The following RUVBL1 variants were observed in gnomAD, a reference collection of about 807,000 sequenced individuals.
The protein encoded by RUVBL1 is ruvB-like 1.
A neutral mutation model predicts 52.4 loss-of-function variants in RUVBL1; 4 were observed. The observed-to-expected ratio is 0.08, with a 90% CI of 0.04 to 0.17. RUVBL1 has a LOEUF of 0.17. Among genes scored for constraint, RUVBL1 ranks in the 10% least tolerant of loss-of-function variants. The pLI, the probability that RUVBL1 is intolerant of heterozygous loss-of-function variation, is 1.00. For synonymous variants in RUVBL1, 217 were observed against 214.4 expected (o/e 1.01, Z -0.10); for missense variants, 298 against 572.8 (o/e 0.52, Z 4.90).
At chr3:128,070,407 T>G (rs1397059666) in intron 9 of RUVBL1, 2 of 152,264 alleles carry the variant, frequency 1.3e-5, no homozygotes, top group African/African-American at 4.8e-5. Context: ...AAGCTGAGCC[T>G]GGCCAAGCTA....
At chr3:128,153,164 C>G (rs1944279003) in intron 1 of RUVBL1, 1 of 1,161,204 alleles carries the variant, frequency 8.6e-7, no homozygotes, top group Non-Finnish European at 1.1e-6. Context: ...TTACAATCCT[C>G]TTGATAGCTA....
chr3:128,117,140 A>G (rs943887026), intron 2 of RUVBL1, among the ~76,000 whole-genome samples: 4 of 152,204 alleles, frequency 2.6e-5, no homozygotes, highest in Non-Finnish European at 5.9e-5. Context: ...AATGAAAAGG[A>G]AAAAAATATT....
rs139627501 is a variant in RUVBL1, at chr3:128,104,450, C to T, written c.513+323G>A. 4.6e-3 allele frequency among the ~76,000 whole-genome samples: 694 copies of T among 152,312 alleles called. 5 individuals carry two copies. Among genetic ancestry groups the T allele is most frequent in the African/African-American group, 0.015 (612 of 41,558 alleles). ...AATTAATGCCCAGGTTCAGACCCAGCCCAGGGTATTTGATGCATGGTCATA... is the reference window on the plus strand; with the variant it reads ...AATTAATGCCCAGGTTCAGACCCAGTCCAGGGTATTTGATGCATGGTCATA... On this transcript the variant is annotated intron_variant, in intron 4 of 10. Transcript: ENST00000322623.
upstream of RUVBL1, among the ~76,000 whole-genome samples, chr3:128,127,409 C>T (rs1053909553): frequency 2.6e-5 from 4 of 152,168 alleles, no homozygotes; most frequent in African/African-American, 9.7e-5. Flanking sequence ...CCCTCTCATT[C>T]CCTTACTCCC....
chr3:128,097,759 G>C lies in RUVBL1; in HGVS notation c.818-261C>G, dbSNP rs540540747. The stretch of plus-strand genomic sequence containing the variant: ...GGTTAAATGTAAAAAGGTTGCACAG[G>C]TGTTCTGCATGGGAATCCCTTCACA... On this transcript the variant is annotated intron_variant, in intron 7 of 10. Transcript: ENST00000322623. Among the ~76,000 whole-genome samples the C allele has an allele frequency of 3.3e-5, 5 of 152,240 alleles. No individual in the cohort carries two copies. The South Asian group carries it at 8.3e-4, about 25-fold the overall frequency.
chr3:128,126,626 G>T (rs1479100120), upstream of RUVBL1, among the ~76,000 whole-genome samples: 1 of 152,214 alleles, frequency 6.6e-6, no homozygotes, highest in Non-Finnish European at 1.5e-5. Context: ...GAAGGGACAG[G>T]GTTTGTCCAA....
At chr3:128,117,534 A>T (rs1943554204) in intron 2 of RUVBL1, among the ~76,000 whole-genome samples, 1 of 152,106 alleles carries the variant, frequency 6.6e-6, no homozygotes, top group Non-Finnish European at 1.5e-5. Context: ...TCTTAACCTC[A>T]TCTCAGTGGA....
At position 128,105,825 on chromosome 3, in the gene RUVBL1, G is replaced by C. The variant is rs568930930; in HGVS notation, c.362-901C>G. Among the ~76,000 whole-genome samples the C allele has an allele frequency of 1.2e-4, 17 of 144,232 alleles. No individual in the cohort carries two copies. In the South Asian group the frequency reaches 3.6e-3, roughly 30 times the overall value. The allele number at this position is 144,232 out of a possible 152,430, so 94.6% of individuals were successfully genotyped here. A position where few individuals can be genotyped will look rare whatever the true frequency, so the allele number is the denominator to read the frequency against. On this transcript the variant is annotated intron_variant, in intron 3 of 10. Coordinates refer to ENST00000322623, the MANE Select transcript of RUVBL1 (RefSeq NM_003707.3). ...AGTTGTCATGCATTATTTGCAATGTGTTGCTCTACAATTTTCTTTCTTTCT... is the reference window on the plus strand; with the variant it reads ...AGTTGTCATGCATTATTTGCAATGTCTTGCTCTACAATTTTCTTTCTTTCT...
chr3:128,070,393 T>TGCCAAGCTGAGCCTG (rs1942126476), intron 9 of RUVBL1: 1 of 152,386 alleles, frequency 6.6e-6, no homozygotes, highest in South Asian at 2.1e-4. Context: ...TCATCAGCTC[T>TGCCAAGCTGAGCCTG]GCCAAGCTGA....
intron 6 of RUVBL1, among the ~76,000 whole-genome samples, chr3:128,099,964 G>A (rs539273256): frequency 5.9e-5 from 9 of 152,312 alleles, no homozygotes; most frequent in African/African-American, 1.4e-4. Context: ...AAGGGGACCT[G>A]TTGGTCCAAG....
chr3:128,077,727 A>G (rs1178183593), downstream of RUVBL1, among the ~76,000 whole-genome samples: 2 of 152,208 alleles, frequency 1.3e-5, no homozygotes, highest in Admixed American at 1.3e-4. Flanking sequence ...TCTGGGCTAC[A>G]GGGCTTTTTC....
chr3:128,148,053 T>C (rs1246622129), intron 1 of RUVBL1, among the ~76,000 whole-genome samples: 2 of 152,146 alleles, frequency 1.3e-5, no homozygotes, highest in South Asian at 2.1e-4. Context: ...GCAAAGCCTG[T>C]AGAGACAGAG....
At chr3:128,111,653 A>T (rs1943399209) in intron 3 of RUVBL1, among the ~76,000 whole-genome samples, 1 of 152,156 alleles carries the variant, frequency 6.6e-6, no homozygotes, top group Non-Finnish European at 1.5e-5. Context: ...GGTAAAAGCA[A>T]AACCAGAGCC....
intron 1 of RUVBL1, among the ~76,000 whole-genome samples, chr3:128,122,025 T>C (rs1943661930): frequency 2.0e-5 from 3 of 152,224 alleles, no homozygotes; most frequent in Admixed American, 6.5e-5. Flanking sequence ...AAGAACCTGG[T>C]AGCTGAGGTG....
At position 128,101,539 on chromosome 3, in the gene RUVBL1, T is replaced by C; in HGVS notation, c.603+20A>G. On this transcript the variant is annotated intron_variant, in intron 5 of 10. Coordinates refer to ENST00000322623, the MANE Select transcript of RUVBL1 (RefSeq NM_003707.3). ...GGCAAACAAATCAGGGACAATGCTG[T>C]GTCCCAAGGAAGGCATTACCTTCAC... is the stretch of plus-strand genomic sequence containing the variant. The C allele has an allele frequency of 1.2e-6, 2 of 1,608,006 alleles. No individual in the cohort carries two copies. The highest frequency in any genetic ancestry group is 1.7e-6 in the Non-Finnish European group (2 of 1,174,546).
intron 1 of RUVBL1, among the ~76,000 whole-genome samples, chr3:128,136,633 A>AC (rs1357090804): frequency 4.6e-5 from 7 of 151,822 alleles, no homozygotes; most frequent in Middle Eastern, 3.4e-3. Context: ...CAAAAAAAAA[A>AC]AAAAAAACAA....
intron 2 of RUVBL1, among the ~76,000 whole-genome samples, chr3:128,118,953 G>A (rs1489435420): frequency 6.6e-6 from 1 of 152,120 alleles, no homozygotes; most frequent in Non-Finnish European, 1.5e-5. Flanking sequence ...CGTAAAGCTA[G>A]CATTTGGAAG....
Position 128,067,261 on chromosome 3 carries a change from C to T in RUVBL1, c.940-2041G>A. The T allele has an allele frequency of 1.5e-6, 2 of 1,337,800 alleles. No homozygotes were observed. Among genetic ancestry groups the T allele is most frequent in the South Asian group, 1.3e-5 (1 of 75,496 alleles). The allele number at this position is 1,337,800 out of a possible 1,614,324, so 82.9% of individuals were successfully genotyped here. A position where few individuals can be genotyped will look rare whatever the true frequency, so the allele number is the denominator to read the frequency against. ...CATCCAAAGATATTTTCCATTGTGC[C>T]TTTTACAAATTCAGCACATTAAATT... On this transcript the variant is annotated intron_variant, in intron 9 of 9. Coordinates refer to the RUVBL1 transcript ENST00000464873. This position sits in a 1 kb window ranked among gnomAD's most constrained non-coding sequence, Gnocchi z 4.1.
At chr3:128,087,996 C>T (rs1187820901) in intron 8 of RUVBL1, among the ~76,000 whole-genome samples, 188 bp from the exon 9 acceptor site, 1 of 152,128 alleles carries the variant, frequency 6.6e-6, no homozygotes, top group Non-Finnish European at 1.5e-5. Flanking sequence ...CAGTGGCTCA[C>T]ACCTGTAAAT....
Sources: gnomAD v4.1 joint callset for allele counts (sites outside exome capture counted in the v4.1 genomes callset) on GRCh38, gnomAD v4.1.1 for gene constraint, Gnocchi (gnomAD v3.1) non-coding constraint, MANE v1.5 for transcripts, NCBI Gene and HGNC (gene_info 2026-07-23, HGNC 2026-07-21) for gene names.